The following CD48 variants were observed in gnomAD, a reference collection of about 807,000 sequenced individuals.
CD48 encodes the protein CD48 molecule, also known as CD48 antigen.
CD48 carries 20 observed loss-of-function variants against 22.0 expected under a neutral mutation model. The observed-to-expected ratio is 0.91, with a 90% CI of 0.64 to 1.32. The LOEUF is 1.32. Ranked by LOEUF, CD48 falls within the 40% of genes most tolerant of loss-of-function variation. The probability of loss-of-function intolerance (pLI) is 0.00; values close to 1 mark genes in which losing one functional copy is unlikely to be tolerated. For synonymous variants in CD48, 110 were observed against 110.1 expected, an observed-to-expected ratio of 1.00 and a Z score of 0.01; for missense variants, 307 against 286.5, an observed-to-expected ratio of 1.07 and a Z score of -0.52.
intron 1 of CD48, among the ~76,000 whole-genome samples, chr1:160,704,199 T>A (rs1662722990): frequency 6.6e-6 from 1 of 152,220 alleles, no homozygotes; most frequent in South Asian, 2.1e-4. Flanking sequence ...GCTTCTTGGA[T>A]GGCCCTGGAG....
chr1:160,689,460 T>C (rs976095015), intron 1 of CD48, among the ~76,000 whole-genome samples: 9 of 152,298 alleles, frequency 5.9e-5, no homozygotes, highest in African/African-American at 2.2e-4. Flanking sequence ...AGGAGAATCA[T>C]TAAATAAAAC....
At chr1:160,680,216 C>A (rs865928240) in intron 3 of CD48, among the ~76,000 whole-genome samples, 1 of 152,142 alleles carries the variant, frequency 6.6e-6, no homozygotes, top group Non-Finnish European at 1.5e-5. Flanking sequence ...AGAATGTGTA[C>A]GCTAGGGCTC....
At chr1:160,691,020 A>G (rs1188282801) in intron 1 of CD48, among the ~76,000 whole-genome samples, 1 of 152,218 alleles carries the variant, frequency 6.6e-6, no homozygotes, top group African/African-American at 2.4e-5. Flanking sequence ...TGAAGGCAGC[A>G]TGCTCATTAA....
chr1:160,682,266 T>C (rs970307630), intron 2 of CD48, among the ~76,000 whole-genome samples: 6 of 148,194 alleles, frequency 4.0e-5, no homozygotes, highest in Non-Finnish European at 8.9e-5. Context: ...CTGGGCAACA[T>C]TGAGAGACTC....
At chr1:160,705,538 G>A (rs536671492) in intron 1 of CD48, among the ~76,000 whole-genome samples, 4 of 152,274 alleles carry the variant, frequency 2.6e-5, no homozygotes, top group Admixed American at 2.0e-4. Context: ...TACAGTCATC[G>A]CACAACCACA....
At chr1:160,708,050 G>A (rs562658734) in intron 1 of CD48, among the ~76,000 whole-genome samples, 17 of 152,250 alleles carry the variant, frequency 1.1e-4, no homozygotes, top group African/African-American at 9.6e-5. Context: ...ATGCTTAGAG[G>A]GCATATAAAA....
intron 1 of CD48, among the ~76,000 whole-genome samples, chr1:160,692,467 C>T (rs557413154): frequency 6.6e-6 from 1 of 152,268 alleles, no homozygotes; most frequent in Non-Finnish European, 1.5e-5. Context: ...CGTAACATTA[C>T]AACCTCAAGC....
At chr1:160,694,020 T>C (rs1251611311) in intron 1 of CD48, among the ~76,000 whole-genome samples, 2 of 152,092 alleles carry the variant, frequency 1.3e-5, no homozygotes, top group Non-Finnish European at 2.9e-5. Context: ...CCCACAGGAG[T>C]ATATGGCCCG....
intron 1 of CD48, among the ~76,000 whole-genome samples, chr1:160,688,370 T>C (rs931445188): frequency 2.0e-5 from 3 of 152,246 alleles, no homozygotes; most frequent in African/African-American, 4.8e-5. Context: ...GTAAAGTTAC[T>C]GGAATCCAGA....
At chr1:160,697,117 T>C (rs559848622) in intron 1 of CD48, among the ~76,000 whole-genome samples, 27 of 152,228 alleles carry the variant, frequency 1.8e-4, no homozygotes, top group Admixed American at 1.7e-3. Flanking sequence ...AACATCTTAC[T>C]GGTAAAAAGA....
intron 1 of CD48, among the ~76,000 whole-genome samples, chr1:160,696,730 T>C (rs1307597132): frequency 7.6e-6 from 1 of 131,828 alleles, no homozygotes; most frequent in African/African-American, 2.8e-5. Context: ...TAACAGTTGA[T>C]ACTTATTCAC....
At chr1:160,701,677 G>T (rs73014174) in intron 1 of CD48, among the ~76,000 whole-genome samples, 1 of 152,134 alleles carries the variant, frequency 6.6e-6, no homozygotes, top group East Asian at 1.9e-4. Flanking sequence ...CTACCCCAAA[G>T]ATTAATGTGA....
At chr1:160,699,212 G>A (rs939394575) in intron 1 of CD48, 10 of 156,568 alleles carry the variant, frequency 6.4e-5, no homozygotes, top group South Asian at 1.9e-4. Flanking sequence ...CATGTGCTGT[G>A]TCAAACTCAG....
chr1:160,702,766 A>G (rs976100030), intron 1 of CD48, among the ~76,000 whole-genome samples: 2 of 152,162 alleles, frequency 1.3e-5, no homozygotes, highest in African/African-American at 2.4e-5. Flanking sequence ...ATCTGATCCA[A>G]TGCCTTCACA....
intron 1 of CD48, among the ~76,000 whole-genome samples, chr1:160,694,030 G>T: frequency 1.4e-5 from 2 of 142,024 alleles, no homozygotes; most frequent in South Asian, 4.6e-4. Context: ...TATATGGCCC[G>T]CTGCCTGAGG....
Position 160,685,089 on chromosome 1 carries a change from A to ACCAG in CD48, c.182_183insCTGG (p.Phe62TrpfsTer15), listed in dbSNP as rs753966731. The ACCAG allele has an allele frequency of 3.4e-5, 55 of 1,614,076 alleles. No homozygotes were observed. Among genetic ancestry groups the ACCAG allele is most frequent in the Non-Finnish European group, 1.0e-5 (12 of 1,180,020 alleles). On this transcript the variant is annotated frameshift_variant, in exon 2 of 4. Coordinates refer to ENST00000368046, the MANE Select transcript of CD48 (RefSeq NM_001778.4). LOFTEE classifies it high-confidence loss of function. ...CCCATTCTACAATCTTCTGGTCGAA[A>ACCAG]GTATAAAACCAGGTTAGTTGTTTGT...
intron 1 of CD48, among the ~76,000 whole-genome samples, chr1:160,689,342 G>A (rs1662110270): frequency 6.6e-6 from 1 of 150,652 alleles, no homozygotes; most frequent in South Asian, 2.1e-4. Context: ...ATCTATCTAG[G>A]TGAGAGGTCG....
rs757794502 is a variant in CD48 at position 160,681,321 on chromosome 1, T to C, written c.533A>G (p.Asn178Ser). The C allele has an allele frequency of 2.5e-6, 4 of 1,614,222 alleles. No individual in the cohort carries two copies. In the South Asian group the frequency reaches 4.4e-5, roughly 18 times the overall value. ...CATAAGGGTGGTTTCAAGCACACTG[T>C]TCTGGAGCTCCTTTGGGAAGGGCCT... The part of the protein sequence containing the change: ...DKRPFPKELQ[N>S]SVLETTLMPH... The change falls in exon 3 of 4, where the codon AAC becomes AGC. Residue 178 changes from asparagine (N) to serine (S), a missense_variant. Physicochemically the swap from Asn to Ser is conservative, Grantham distance 46 (BLOSUM62 1). Coordinates refer to ENST00000368046, the MANE Select transcript of CD48 (RefSeq NM_001778.4).
chr1:160,703,415 C>T (rs775501867), intron 1 of CD48, among the ~76,000 whole-genome samples: 2 of 152,004 alleles, frequency 1.3e-5, no homozygotes, highest in Non-Finnish European at 2.9e-5. Context: ...GTTTAGGACC[C>T]GAAACGACAG....
Sources: allele counts gnomAD v4.1 joint callset (sites outside exome capture counted in the v4.1 genomes callset), GRCh38; gene constraint gnomAD v4.1.1; transcripts MANE v1.5; gene names NCBI Gene and HGNC (gene_info 2026-07-23, HGNC 2026-07-21).